Variants in CCDC148 observed in about 807,000 individuals in gnomAD.
The protein encoded by CCDC148 is coiled-coil domain-containing protein 148.
Under a neutral mutation model 85.7 loss-of-function variants are expected in CCDC148, and 89 were observed. The ratio of observed to expected loss-of-function variants is 1.04; its 90% confidence interval spans 0.87 to 1.24. The LOEUF is 1.24. CCDC148 is among the 50% of genes most tolerant of loss of function. The pLI, the probability that CCDC148 is intolerant of heterozygous loss-of-function variation, is 0.00. For synonymous variants in CCDC148, 230 were observed against 213.9 expected, an observed-to-expected ratio of 1.08 and a Z score of -0.66; for missense variants, 692 against 671.7, an observed-to-expected ratio of 1.03 and a Z score of -0.33.
intron 11 of CCDC148, among the ~76,000 whole-genome samples, chr2:158,205,385 G>A (rs62175425): frequency 0.16 from 23,679 of 152,070 alleles, 2,392 homozygotes; most frequent in Middle Eastern, 0.24. Context: ...TCTGAGGCAT[G>A]GAAAATGTGA....
At chr2:158,291,902 T>C (rs1046032294) in intron 9 of CCDC148, among the ~76,000 whole-genome samples, 2 of 152,260 alleles carry the variant, frequency 1.3e-5, no homozygotes, top group African/African-American at 4.8e-5. Flanking sequence ...GCAACTTGTG[T>C]CACTTTCAAA....
chr2:158,187,383 T>G (rs867618824), intron 11 of CCDC148, among the ~76,000 whole-genome samples: 1 of 152,040 alleles, frequency 6.6e-6, no homozygotes, highest in Admixed American at 6.6e-5. Flanking sequence ...GAGGGATGTA[T>G]CTCTCAACTC....
At position 158,434,231 on chromosome 2, in the gene CCDC148, T is replaced by C. The variant is rs377115365; in HGVS notation, c.25+22184A>G. On this transcript the variant is annotated intron_variant, in intron 1 of 13. Coordinates refer to ENST00000283233, the MANE Select transcript of CCDC148 (RefSeq NM_138803.4). ...GGGAGGTACCTCCCAGTAGGGGCCA[T>C]ATGACACCTGATACAGCCAGGTGCC... 9.5e-4 allele frequency among the ~76,000 whole-genome samples: 145 copies of C among 152,222 alleles called. 1 individual carries two copies. Among genetic ancestry groups the C allele is most frequent in the African/African-American group, 3.4e-3 (142 of 41,538 alleles).
At chr2:158,203,143 G>A (rs1421988210) in intron 11 of CCDC148, among the ~76,000 whole-genome samples, 1 of 152,188 alleles carries the variant, frequency 6.6e-6, no homozygotes, top group African/African-American at 2.4e-5. Context: ...CATCTACTTA[G>A]AGTTGGAGAG....
chr2:158,209,459 A>G (rs1686436458), intron 11 of CCDC148, among the ~76,000 whole-genome samples: 1 of 152,212 alleles, frequency 6.6e-6, no homozygotes. Flanking sequence ...CCTCCATATC[A>G]CTCACAAATA....
chr2:158,444,378 A>G (rs1364799608), intron 1 of CCDC148, among the ~76,000 whole-genome samples: 1 of 152,218 alleles, frequency 6.6e-6, no homozygotes, highest in African/African-American at 2.4e-5. Flanking sequence ...CTATAATTTT[A>G]GAAAGCTCAT....
At chr2:158,353,173 G>A (rs1349765109) in intron 2 of CCDC148, among the ~76,000 whole-genome samples, 5 of 130,348 alleles carry the variant, frequency 3.8e-5, no homozygotes, top group Non-Finnish European at 6.5e-5. Flanking sequence ...ATCAACTAAC[G>A]AGCAAAATCA....
chr2:158,302,694 G>A (rs890583131), intron 9 of CCDC148, among the ~76,000 whole-genome samples: 2 of 151,624 alleles, frequency 1.3e-5, no homozygotes, highest in Non-Finnish European at 2.9e-5. Context: ...TGAGGCAGGA[G>A]AATCACTTGA....
chr2:158,361,576 G>C (rs1227736562), intron 1 of CCDC148, among the ~76,000 whole-genome samples: 1 of 152,132 alleles, frequency 6.6e-6, no homozygotes, highest in Non-Finnish European at 1.5e-5. Context: ...GCCAAACTAA[G>C]CTTCATAAGT....
Position 158,277,980 on chromosome 2 carries a change from T to C in CCDC148, c.1111-27068A>G, listed in dbSNP as rs118191583. 1.0e-3 allele frequency among the ~76,000 whole-genome samples: 159 copies of C among 152,294 alleles called. 2 individuals are homozygous for C. In the East Asian group the frequency reaches 0.025, roughly 24 times the overall value. ...CTAGATAAGACAAGACCAAGTCAAT[T>C]TGACTAGCACCTGTGGTTCTAGCCA... On this transcript the variant is annotated intron_variant, in intron 9 of 13. Coordinates refer to ENST00000283233, the MANE Select transcript of CCDC148 (RefSeq NM_138803.4).
intron 9 of CCDC148, among the ~76,000 whole-genome samples, chr2:158,296,564 TAA>T (rs1181801248): frequency 1.3e-5 from 2 of 152,220 alleles, no homozygotes; most frequent in Non-Finnish European, 2.9e-5. Context: ...TTTTGTTGCA[TAA>T]AGTCATTGTA....
chr2:158,207,954 G>GACACAC (rs34660144), intron 11 of CCDC148, among the ~76,000 whole-genome samples: 7,055 of 149,038 alleles, frequency 0.047, 198 homozygotes, highest in South Asian at 0.075. Flanking sequence ...ATTTTGATCT[G>GACACAC]ACACACACAC....
chr2:158,353,519 A>G (rs999497755), intron 2 of CCDC148, among the ~76,000 whole-genome samples: 8 of 151,864 alleles, frequency 5.3e-5, no homozygotes, highest in Admixed American at 3.3e-4. Flanking sequence ...TTCAACAAGA[A>G]GAGCTAACTA....
chr2:158,220,745 T>C (rs1227596972), intron 10 of CCDC148, 32 bp from the exon 11 acceptor site: 3 of 1,458,394 alleles, frequency 2.1e-6, no homozygotes, highest in Non-Finnish European at 2.8e-6. Context: ...AAATTTAAAT[T>C]AACAACAGAT....
intron 9 of CCDC148, among the ~76,000 whole-genome samples, chr2:158,293,219 G>C (rs1244775560): frequency 6.6e-6 from 1 of 152,096 alleles, no homozygotes; most frequent in Non-Finnish European, 1.5e-5. Flanking sequence ...AGACAATATG[G>C]GGGGTGGGGG....
intron 9 of CCDC148, among the ~76,000 whole-genome samples, chr2:158,257,824 A>T (rs532627309): frequency 6.6e-6 from 1 of 152,016 alleles, no homozygotes; most frequent in Non-Finnish European, 1.5e-5. Flanking sequence ...CTTAGTGTAA[A>T]ACAAAACTTC....
At chr2:158,347,196 G>T (rs1267049024) in intron 2 of CCDC148, among the ~76,000 whole-genome samples, 1 of 151,948 alleles carries the variant, frequency 6.6e-6, no homozygotes, top group East Asian at 1.9e-4. Context: ...TTTAAAATTA[G>T]ATTTCTTTGG....
At chr2:158,370,754 A>G (rs1387979249) in intron 1 of CCDC148, among the ~76,000 whole-genome samples, 1 of 151,990 alleles carries the variant, frequency 6.6e-6, no homozygotes, top group Non-Finnish European at 1.5e-5. Context: ...TCACATAATA[A>G]ATATGACCAA....
At chr2:158,300,720 G>A (rs974537621) in intron 9 of CCDC148, among the ~76,000 whole-genome samples, 4 of 152,184 alleles carry the variant, frequency 2.6e-5, no homozygotes, top group South Asian at 2.1e-4. Flanking sequence ...TGTGTAAAAT[G>A]GAGTGTGTCA....
Sources: gnomAD v4.1 joint callset for allele counts (sites outside exome capture counted in the v4.1 genomes callset) on GRCh38, gnomAD v4.1.1 for gene constraint, MANE v1.5 for transcripts, NCBI Gene and HGNC (gene_info 2026-07-23, HGNC 2026-07-21) for gene names.